The following CDK17 variants were observed in gnomAD, a reference collection of about 807,000 sequenced individuals.
The protein encoded by CDK17 is cyclin dependent kinase 17.
CDK17 carries 24 observed loss-of-function variants against 77.6 expected under a neutral mutation model. That is an observed-to-expected ratio of 0.31 (90% CI 0.22 to 0.44). CDK17 has a LOEUF of 0.44. Among genes scored for constraint, CDK17 ranks in the 20% least tolerant of loss-of-function variants. CDK17 has a pLI of 1.00. For synonymous variants in CDK17, 203 were observed against 210.4 expected, an observed-to-expected ratio of 0.96 and a Z score of 0.30; for missense variants, 429 against 622.5, an observed-to-expected ratio of 0.69 and a Z score of 3.31.
chr12:96,364,919 A>G (rs143489181), intron 1 of CDK17, among the ~76,000 whole-genome samples: 265 of 152,280 alleles, frequency 1.7e-3, no homozygotes, highest in African/African-American at 5.9e-3. Context: ...CAAGGTATAT[A>G]AAAAAGGTGC....
At chr12:96,281,208 C>G (rs967334273) in intron 15 of CDK17, among the ~76,000 whole-genome samples, 1 of 152,160 alleles carries the variant, frequency 6.6e-6, no homozygotes, top group Non-Finnish European at 1.5e-5. Context: ...TATTATTATA[C>G]TAGGTGTTAA....
chr12:96,298,018 C>A (rs952225146), intron 7 of CDK17, among the ~76,000 whole-genome samples: 1 of 151,880 alleles, frequency 6.6e-6, no homozygotes, highest in Non-Finnish European at 1.5e-5. Context: ...AGGCTGGGCA[C>A]GGTGGCTCAT....
At chr12:96,297,380 T>C (rs1363390383) in intron 8 of CDK17, 48 bp from the exon 9 acceptor site, 6 of 1,225,354 alleles carry the variant, frequency 4.9e-6, no homozygotes, top group Non-Finnish European at 7.1e-6. Flanking sequence ...TTTCAGAATG[T>C]TGTGACTGGT....
intron 10 of CDK17, among the ~76,000 whole-genome samples, chr12:96,294,074 T>G (rs533468757): frequency 6.6e-6 from 1 of 152,332 alleles, no homozygotes; most frequent in East Asian, 1.9e-4. Context: ...ACAGGGCTAG[T>G]TCAATGTGCA....
At chr12:96,282,822 T>A (rs1952194256) in intron 14 of CDK17, among the ~76,000 whole-genome samples, 1 of 152,220 alleles carries the variant, frequency 6.6e-6, no homozygotes, top group Admixed American at 6.5e-5. Context: ...AAGATAAGGC[T>A]GGATCTTAAA....
At chr12:96,387,095 G>C (rs551368087) in intron 1 of CDK17, 16 of 337,318 alleles carry the variant, frequency 4.7e-5, no homozygotes, top group Non-Finnish European at 7.1e-5. Context: ...GTATCACGGT[G>C]ACATCCACAC....
intron 9 of CDK17, among the ~76,000 whole-genome samples, 172 bp downstream of exon 9, chr12:96,297,098 T>C (rs1404832924): frequency 6.6e-6 from 1 of 152,146 alleles, no homozygotes; most frequent in Non-Finnish European, 1.5e-5. Context: ...AAAGCTATAG[T>C]GTAGTAAACA....
intron 1 of CDK17, among the ~76,000 whole-genome samples, chr12:96,382,246 C>G (rs1332646711): frequency 2.0e-5 from 3 of 151,280 alleles, no homozygotes; most frequent in African/African-American, 7.3e-5. Context: ...ATTAGAAAAT[C>G]TAGAAGAAAA....
intron 5 of CDK17, among the ~76,000 whole-genome samples, chr12:96,310,408 A>T (rs2137103205): frequency 6.6e-6 from 1 of 152,282 alleles, no homozygotes; most frequent in Admixed American, 6.5e-5. Context: ...AGAATATTAC[A>T]CATTTAAAAA....
At chr12:96,393,873 A>G (rs1237240148) in intron 1 of CDK17, among the ~76,000 whole-genome samples, 1 of 152,222 alleles carries the variant, frequency 6.6e-6, no homozygotes, top group Non-Finnish European at 1.5e-5. Context: ...ATAATACTAA[A>G]AAACACATAT....
chr12:96,297,175 C>G, intron 9 of CDK17, 95 bp downstream of exon 9: 1 of 707,482 alleles, frequency 1.4e-6, no homozygotes, highest in Non-Finnish European at 2.3e-6. Context: ...ACAGAAAACC[C>G]TGAAGAAGAG....
chr12:96,319,848 G>C (rs1952790951), intron 3 of CDK17, among the ~76,000 whole-genome samples: 1 of 140,388 alleles, frequency 7.1e-6, no homozygotes, highest in Non-Finnish European at 1.5e-5. Flanking sequence ...ATATCATACT[G>C]AATGGGCAAA....
At chr12:96,317,256 T>C (rs1440387674) in intron 3 of CDK17, among the ~76,000 whole-genome samples, 1 of 147,040 alleles carries the variant, frequency 6.8e-6, no homozygotes, top group East Asian at 2.0e-4. Context: ...GAAAAAAGAA[T>C]AAAAAGAAAT....
intron 1 of CDK17, among the ~76,000 whole-genome samples, chr12:96,366,900 G>A (rs893587337): frequency 1.3e-5 from 2 of 151,964 alleles, no homozygotes; most frequent in Admixed American, 6.6e-5. Context: ...AAACACCTAC[G>A]CATATTTTAA....
intron 5 of CDK17, among the ~76,000 whole-genome samples, chr12:96,304,027 AATAACC>A (rs1231447298): frequency 2.0e-5 from 3 of 152,190 alleles, no homozygotes; most frequent in African/African-American, 7.2e-5. Flanking sequence ...TAATAAAACA[AATAACC>A]ATAATAATAC....
rs1952504903 is a variant in CDK17 at position 96,301,572 on chromosome 12, G to A, written c.544-1212C>T. Among the ~76,000 whole-genome samples, 3 of 152,204 alleles carry A rather than the reference G, an allele frequency of 2.0e-5. No homozygotes were observed. In the South Asian group the frequency reaches 6.2e-4, roughly 32 times the overall value. ...TTCTAGTACCCCTTTATAGATAATGGAAAAGGTAATGATAATCTAAAGAAA... is the reference window on the plus strand; with the variant it reads ...TTCTAGTACCCCTTTATAGATAATGAAAAAGGTAATGATAATCTAAAGAAA... On this transcript the variant is annotated intron_variant, in intron 5 of 16. Transcript: ENST00000261211.
Position 96,298,936 on chromosome 12 carries a change from A to C in CDK17, c.648T>G (p.Asn216Lys). The change falls in exon 7 of 17, where the codon AAT becomes AAG. Residue 216 changes from asparagine to lysine, a missense_variant. By Grantham distance (94) the Asn-to-Lys change is moderately conservative. This residue lies in a region of CDK17 where 262 missense variants were observed against 385.4 expected (regional missense o/e 0.68). Coordinates refer to ENST00000261211, the MANE Select transcript of CDK17 (RefSeq NM_002595.5). ...VYKGRSKLTE[N>K]LVALKEIRLE... The stretch of plus-strand genomic sequence containing the variant: ...ATCGGATCTCTTTTAATGCCACCAA[A>C]TTCTCTGTCAATTTACTTCTTCCTT... 1.2e-6 allele frequency: 2 copies of C among 1,610,216 alleles called. No individual in the cohort carries two copies. Among genetic ancestry groups the C allele is most frequent in the Non-Finnish European group, 1.7e-6 (2 of 1,176,768 alleles).
intron 14 of CDK17, among the ~76,000 whole-genome samples, chr12:96,282,975 C>T (rs1592702344): frequency 1.3e-5 from 2 of 151,996 alleles, no homozygotes; most frequent in East Asian, 3.9e-4. Context: ...ACGACCTATC[C>T]AATACTCATT....
In CDK17 at chr12:96,393,719, T is replaced by C. The variant is rs550004149; in HGVS notation, c.-30+6267A>G. The stretch of plus-strand genomic sequence containing the variant: ...ACTGCAATCAACCTGGGTGGCAGAG[T>C]GAGACCCTGTATCTTAACAAACACA... On this transcript the variant is annotated intron_variant, in intron 1 of 16. Coordinates refer to ENST00000261211, the MANE Select transcript of CDK17 (RefSeq NM_002595.5). Among the ~76,000 whole-genome samples the C allele has an allele frequency of 3.4e-4, 52 of 151,968 alleles. No individual in the cohort carries two copies. In the South Asian group the frequency reaches 0.01, roughly 30 times the overall value.
Sources: gnomAD v4.1 joint callset for allele counts (sites outside exome capture counted in the v4.1 genomes callset) on GRCh38, gnomAD v4.1.1 for gene constraint, gnomAD v4.1.1 regional missense constraint, MANE v1.5 for transcripts, NCBI Gene and HGNC (gene_info 2026-07-23, HGNC 2026-07-21) for gene names.